The following PDLIM5 variants were observed in gnomAD, a reference collection of about 807,000 sequenced individuals.
The protein encoded by PDLIM5 is PDZ and LIM domain 5, also known as PDZ and LIM domain protein 5.
A neutral mutation model predicts 64.2 loss-of-function variants in PDLIM5; 34 were observed. The ratio of observed to expected loss-of-function variants is 0.53; its 90% CI spans 0.40 to 0.71. The LOEUF (loss-of-function observed/expected upper bound fraction) is 0.71, where lower values mean the gene tolerates loss of function less well. PDLIM5 is among the 30% of genes least tolerant of loss of function. The pLI, the probability that PDLIM5 is intolerant of heterozygous loss-of-function variation, is 0.00. For synonymous variants in PDLIM5, 253 were observed against 269.1 expected (o/e 0.94, Z 0.59); for missense variants, 683 against 733.6 (o/e 0.93, Z 0.80).
intron 7 of PDLIM5, among the ~76,000 whole-genome samples, chr4:94,609,874 A>G (rs1465189528): frequency 7.2e-5 from 11 of 152,190 alleles, no homozygotes; most frequent in Admixed American, 6.5e-4. Flanking sequence ...CAAATGTGTG[A>G]TACGAGGTAA....
rs1380366525 is a variant in PDLIM5 at position 94,665,498 on chromosome 4, AAAAAAAAAGAG to A, written c.*1433_*1443del. 8.9e-6 allele frequency: 7 copies of A among 790,292 alleles called. No individual in the cohort carries two copies. The highest frequency in any genetic ancestry group is 1.2e-4 in the East Asian group (1 of 8,222). 49.0% of individuals were successfully genotyped at this position (790,292 alleles called of 1,614,324 possible). A position where few individuals can be genotyped will look rare whatever the true frequency, so the allele number is the denominator to read the frequency against. ...CCGGCTCTTAAAAAAAAAAAAAAAA[AAAAAAAAAGAG>A]AGAGAGAGAATAAATAGAAAAGAAT... On this transcript the variant is annotated 3_prime_UTR_variant, in exon 13 of 13. Transcript: ENST00000317968.
rs558784276 is a variant in PDLIM5, at chr4:94,567,129, A to T, written c.249-6222A>T. 4.1e-3 allele frequency among the ~76,000 whole-genome samples: 629 copies of T among 152,288 alleles called. 3 individuals carry two copies. Among genetic ancestry groups the T allele is most frequent in the Middle Eastern group, 0.031 (9 of 294 alleles). On this transcript the variant is annotated intron_variant, in intron 3 of 12. Coordinates refer to ENST00000317968, the MANE Select transcript of PDLIM5 (RefSeq NM_006457.5). ...TGCTTCAGCCTCCCGAGTAGCTGGG[A>T]CTACAGGCGCCCGCCACCACACCTG... is the stretch of plus-strand genomic sequence containing the variant.
intron 8 of PDLIM5, among the ~76,000 whole-genome samples, chr4:94,632,474 G>A (rs749461740): frequency 3.3e-5 from 5 of 152,084 alleles, no homozygotes; most frequent in East Asian, 3.9e-4. Context: ...ACAGAGTAGA[G>A]ACCTTGTCTC....
intron 8 of PDLIM5, among the ~76,000 whole-genome samples, chr4:94,634,734 A>C (rs1228153902): frequency 6.6e-6 from 1 of 152,230 alleles, no homozygotes; most frequent in Non-Finnish European, 1.5e-5. Flanking sequence ...AACAGCTATT[A>C]TGAACAGGAA....
intron 8 of PDLIM5, among the ~76,000 whole-genome samples, chr4:94,639,464 T>C (rs1412481276): frequency 1.3e-5 from 2 of 151,990 alleles, no homozygotes; most frequent in Non-Finnish European, 2.9e-5. Flanking sequence ...ATTATAGGAA[T>C]GGGGAAGAGG....
chr4:94,557,419 G>A (rs916442452), intron 3 of PDLIM5, among the ~76,000 whole-genome samples: 8 of 152,180 alleles, frequency 5.3e-5, no homozygotes, highest in African/African-American at 1.9e-4. Context: ...GAACTTTAAA[G>A]TAGTTTTTTC....
At position 94,456,768 on chromosome 4, in the gene PDLIM5, T is replaced by G. The variant is rs1377394778; in HGVS notation, c.96+1384T>G. 2.4e-6 allele frequency: 3 copies of G among 1,233,386 alleles called. No homozygotes were observed. The East Asian group carries it at 1.3e-4, about 52-fold the overall frequency. 76.4% of individuals were successfully genotyped at this position (1,233,386 alleles called of 1,614,324 possible). ...TTTGAAAGGTTGTGCCAATTTACACTTTTGTGCAACGCATGAAAATACTAT... is the reference window on the plus strand; with the variant it reads ...TTTGAAAGGTTGTGCCAATTTACACGTTTGTGCAACGCATGAAAATACTAT... On this transcript the variant is annotated intron_variant, in intron 2 of 12. Coordinates refer to ENST00000317968, the MANE Select transcript of PDLIM5 (RefSeq NM_006457.5).
At position 94,640,431 on chromosome 4, in the gene PDLIM5, C is replaced by A; in HGVS notation, c.1264C>A (p.His422Asn). 6.3e-7 allele frequency: 1 copy of A among 1,597,402 alleles called. No individual in the cohort carries two copies. Among genetic ancestry groups the A allele is most frequent in the South Asian group, 1.1e-5 (1 of 88,502 alleles). The change falls in exon 9 of 13, where the codon CAT (histidine) becomes AAT (asparagine). Residue 422 changes from histidine to asparagine, a missense_variant. Physicochemically the swap from His to Asn is moderately conservative, Grantham distance 68. Coordinates refer to ENST00000317968, the MANE Select transcript of PDLIM5 (RefSeq NM_006457.5). ...AGGGAAACGAACTCCGATGTGCGCC[C>A]ATTGTAACCAGGTCATCAGGTTGGT... ...PAGKRTPMCA[H>N]CNQVIRGPFL...
chr4:94,640,387 G>A lies in PDLIM5; in HGVS notation c.1220G>A (p.Arg407Lys). 6.2e-7 allele frequency: 1 copy of A among 1,612,890 alleles called. No individual in the cohort carries two copies. Residue 407 changes from arginine (R) to lysine (K), a missense_variant, in exon 9 of 13, where the codon AGA (arginine) becomes AAA (lysine). Transcript: ENST00000317968. ...QPSDQDTLVQRAEHIPAGKRT... is the reference protein window; with the variant it reads ...QPSDQDTLVQKAEHIPAGKRT... ...AGTGACCAGGACACTTTAGTGCAAAGAGCTGAGCACATTCCAGCAGGGAAA... is the reference window on the plus strand; with the variant it reads ...AGTGACCAGGACACTTTAGTGCAAAAAGCTGAGCACATTCCAGCAGGGAAA...
chr4:94,494,110 C>T (rs777210401), intron 2 of PDLIM5, among the ~76,000 whole-genome samples: 23 of 151,984 alleles, frequency 1.5e-4, no homozygotes, highest in Admixed American at 3.9e-4. Flanking sequence ...TCAGCATGCA[C>T]CACCATGCAT....
intron 7 of PDLIM5, chr4:94,588,247 G>T (rs543747981): frequency 1.1e-3 from 952 of 890,046 alleles, no homozygotes; most frequent in Non-Finnish European, 1.2e-3. Flanking sequence ...TTTTAACTTT[G>T]TGAGGTTACT....
intron 7 of PDLIM5, chr4:94,610,949 C>G (rs1366187699): frequency 1.5e-6 from 1 of 667,976 alleles, no homozygotes; most frequent in African/African-American, 1.8e-5. Flanking sequence ...CCTCCTTCTT[C>G]CTCTCTCTCC....
chr4:94,641,205 A>C (rs572556880), intron 9 of PDLIM5, among the ~76,000 whole-genome samples: 4 of 152,234 alleles, frequency 2.6e-5, no homozygotes, highest in African/African-American at 9.6e-5. Flanking sequence ...GGTCCTTTGA[A>C]GTGACTTCTC....
intron 7 of PDLIM5, among the ~76,000 whole-genome samples, chr4:94,616,856 A>G (rs1474279985): frequency 6.6e-6 from 1 of 151,956 alleles, no homozygotes; most frequent in Non-Finnish European, 1.5e-5. Flanking sequence ...CCCCAAGACC[A>G]CTCCTAGGTT....
chr4:94,478,667 A>G (rs938372938), intron 2 of PDLIM5, among the ~76,000 whole-genome samples: 1 of 152,126 alleles, frequency 6.6e-6, no homozygotes, highest in African/African-American at 2.4e-5. Context: ...AAGTTAAAGG[A>G]AGTTATTATT....
At chr4:94,589,779 C>CT (rs1410190556) in intron 7 of PDLIM5, among the ~76,000 whole-genome samples, 2 of 145,670 alleles carry the variant, frequency 1.4e-5, no homozygotes, top group Non-Finnish European at 3.0e-5. Context: ...TCTTTCTTTC[C>CT]TTTTTTTAAA....
chr4:94,483,873 A>G (rs902234147), intron 2 of PDLIM5, among the ~76,000 whole-genome samples: 1 of 152,180 alleles, frequency 6.6e-6, no homozygotes, highest in Non-Finnish European at 1.5e-5. Flanking sequence ...TCTTAGTACA[A>G]TTCTTCATTC....
intron 9 of PDLIM5, among the ~76,000 whole-genome samples, chr4:94,640,802 T>C (rs981253139): frequency 1.3e-5 from 2 of 152,166 alleles, no homozygotes; most frequent in Non-Finnish European, 2.9e-5. Flanking sequence ...ATTCTACAAA[T>C]TATAGAAGTG....
At chr4:94,662,660 A>G in intron 12 of PDLIM5, 123 bp downstream of exon 12, 1 of 473,920 alleles carries the variant, frequency 2.1e-6, no homozygotes, top group Non-Finnish European at 3.8e-6. Flanking sequence ...AATTATTTTT[A>G]ATTTTTTGTA....
Sources: allele counts gnomAD v4.1 joint callset (sites outside exome capture counted in the v4.1 genomes callset), GRCh38; gene constraint gnomAD v4.1.1; transcripts MANE v1.5; gene names NCBI Gene and HGNC (gene_info 2026-07-23, HGNC 2026-07-21).